The following MARK3 variants were observed in gnomAD, a reference collection of about 807,000 sequenced individuals.
MARK3 encodes the protein microtubule affinity regulating kinase 3, also known as MAP/microtubule affinity-regulating kinase 3.
In MARK3, 46 loss-of-function variants were observed where a neutral mutation model predicts 90.1. The ratio of observed to expected loss-of-function variants is 0.51; its 90% CI spans 0.40 to 0.65. The LOEUF is 0.65. Among genes scored for constraint, MARK3 ranks in the 30% least tolerant of loss-of-function variants. MARK3 has a pLI of 0.00. For missense variants in MARK3, 818 were observed against 947.2 expected (o/e 0.86, Z 1.79); for synonymous variants, 321 against 332.6 (o/e 0.97, Z 0.38).
At chr14:103,483,220 A>G (rs1205996009) in intron 14 of MARK3, among the ~76,000 whole-genome samples, 6 of 150,600 alleles carry the variant, frequency 4.0e-5, no homozygotes, top group African/African-American at 7.3e-5. Flanking sequence ...AATTTAAAAT[A>G]TGAGTGAGCT....
At chr14:103,438,562 T>C (rs1243947203) in intron 3 of MARK3, among the ~76,000 whole-genome samples, 1 of 152,244 alleles carries the variant, frequency 6.6e-6, no homozygotes, top group Non-Finnish European at 1.5e-5. Flanking sequence ...TAAGTTAATT[T>C]TGTTAGTACC....
At chr14:103,391,181 A>G (rs1003120408) in intron 1 of MARK3, among the ~76,000 whole-genome samples, 1 of 152,194 alleles carries the variant, frequency 6.6e-6, no homozygotes, top group African/African-American at 2.4e-5. Context: ...CAGGAATGCT[A>G]CTAAACATTT....
chr14:103,419,661 C>G (rs1595577176), intron 2 of MARK3, among the ~76,000 whole-genome samples: 1 of 151,918 alleles, frequency 6.6e-6, no homozygotes, highest in South Asian at 2.1e-4. Context: ...ATATTAATAC[C>G]TTTTCAGGTG....
chr14:103,480,069 C>T (rs561100669), intron 13 of MARK3, among the ~76,000 whole-genome samples: 9 of 151,998 alleles, frequency 5.9e-5, no homozygotes, highest in Middle Eastern at 3.4e-3. Context: ...TGCAGTGAGC[C>T]GAGATCGCAC....
chr14:103,466,557 AAC>A, intron 10 of MARK3, 115 bp downstream of exon 10: 1 of 657,622 alleles, frequency 1.5e-6, no homozygotes. Flanking sequence ...AAGTCATATG[AAC>A]AGTTTATCTG....
chr14:103,470,146 G>A (rs1308265325), intron 12 of MARK3, among the ~76,000 whole-genome samples: 1 of 152,018 alleles, frequency 6.6e-6, no homozygotes, highest in Non-Finnish European at 1.5e-5. Context: ...CAGCCCTGGA[G>A]AATATATGGA....
intron 2 of MARK3, among the ~76,000 whole-genome samples, chr14:103,414,282 C>T (rs556319796): frequency 4.0e-4 from 60 of 151,646 alleles, no homozygotes; most frequent in African/African-American, 1.1e-3. Flanking sequence ...CTCAGCTCAC[C>T]GCAACCTCCA....
intron 3 of MARK3, among the ~76,000 whole-genome samples, chr14:103,444,262 C>T (rs1426129571): frequency 6.6e-6 from 1 of 151,960 alleles, no homozygotes; most frequent in Non-Finnish European, 1.5e-5. Flanking sequence ...TTGATATCCC[C>T]ATTGCCAGGA....
At chr14:103,433,486 G>A (rs2092642269) in intron 3 of MARK3, among the ~76,000 whole-genome samples, 1 of 152,022 alleles carries the variant, frequency 6.6e-6, no homozygotes, top group Non-Finnish European at 1.5e-5. Context: ...CTGAGGCCAG[G>A]GGTTCGAGAC....
At chr14:103,433,006 C>G (rs1171857765) in intron 3 of MARK3, among the ~76,000 whole-genome samples, 1 of 152,072 alleles carries the variant, frequency 6.6e-6, no homozygotes. Flanking sequence ...GGTTACTTCA[C>G]ACTACATTTT....
At chr14:103,459,435 A>G (rs897935536) in intron 6 of MARK3, among the ~76,000 whole-genome samples, 6 of 152,180 alleles carry the variant, frequency 3.9e-5, no homozygotes, top group Non-Finnish European at 7.3e-5. Context: ...AAACAGCTCC[A>G]TTAGACTTGG....
At chr14:103,501,089 T>C (rs2075638753) in intron 17 of MARK3, among the ~76,000 whole-genome samples, 1 of 152,244 alleles carries the variant, frequency 6.6e-6, no homozygotes, top group Non-Finnish European at 1.5e-5. Flanking sequence ...TTTGTCCTTT[T>C]GGTCTTTCTA....
In MARK3 at chr14:103,466,320, A is replaced by G. The variant is rs149524163; in HGVS notation, c.898-23A>G. Reference sequence around the variant, plus strand: ...TCAGAATATTTCATTTTACTCTGCTAATGAACAGTTTACCTTTTTTAGCAA... The same window carrying G: ...TCAGAATATTTCATTTTACTCTGCTGATGAACAGTTTACCTTTTTTAGCAA... On this transcript the variant is annotated intron_variant, in intron 9 of 17. Transcript: ENST00000429436. 445 of 1,528,056 alleles carry G rather than the reference A, an allele frequency of 2.9e-4. 1 individual carries two copies. The African/African-American group carries it at 3.8e-3, about 13-fold the overall frequency. The allele number at this position is 1,528,056 out of a possible 1,614,324, so 94.7% of individuals were successfully genotyped here.
At chr14:103,391,964 C>A (rs1047360487) in intron 1 of MARK3, among the ~76,000 whole-genome samples, 5 of 152,080 alleles carry the variant, frequency 3.3e-5, no homozygotes, top group Non-Finnish European at 7.3e-5. Flanking sequence ...AAATGAGAAA[C>A]ATATTTTTCA....
At chr14:103,446,314 T>C (rs1026046719) in intron 3 of MARK3, among the ~76,000 whole-genome samples, 15 of 152,064 alleles carry the variant, frequency 9.9e-5, no homozygotes, top group Non-Finnish European at 1.5e-5. Context: ...TCACCTGAGG[T>C]CAGGTGTTCG....
Position 103,503,340 on chromosome 14 carries a change from TTAAAGTC to T in MARK3, c.*115_*121del, listed in dbSNP as rs1246820047. 2.1e-5 allele frequency: 22 copies of T among 1,041,326 alleles called. No homozygotes were observed. Among genetic ancestry groups the T allele is most frequent in the Non-Finnish European group, 2.9e-5 (21 of 728,166 alleles). The allele number at this position is 1,041,326 out of a possible 1,614,324, so 64.5% of individuals were successfully genotyped here. A position where few individuals can be genotyped will look rare whatever the true frequency, so the allele number is the denominator to read the frequency against. On this transcript the variant is annotated 3_prime_UTR_variant, in exon 18 of 18. Transcript: ENST00000429436. ...CGTCTGCATCTTCTAAATCATGAAA[TTAAAGTC>T]TGAGGACGAGAGCACGCCTGGGAGC...
intron 5 of MARK3, among the ~76,000 whole-genome samples, chr14:103,454,756 G>C (rs1444469455): frequency 2.0e-5 from 3 of 152,126 alleles, no homozygotes; most frequent in African/African-American, 7.2e-5. Flanking sequence ...TTAGGGCAGC[G>C]GTCTAATTTT....
intron 4 of MARK3, among the ~76,000 whole-genome samples, chr14:103,450,579 C>T (rs17101620): frequency 0.18 from 27,828 of 152,102 alleles, 3,098 homozygotes; most frequent in East Asian, 0.47. Context: ...ATGCAGCTTA[C>T]CAACACATGT....
intron 14 of MARK3, among the ~76,000 whole-genome samples, chr14:103,482,667 T>G (rs2093847850): frequency 6.6e-6 from 1 of 152,206 alleles, no homozygotes; most frequent in Non-Finnish European, 1.5e-5. Context: ...TGCTCTCTGC[T>G]TCCATCCTGT....
Sources: allele counts gnomAD v4.1 joint callset (sites outside exome capture counted in the v4.1 genomes callset), GRCh38; gene constraint gnomAD v4.1.1; transcripts MANE v1.5; gene names NCBI Gene and HGNC (gene_info 2026-07-23, HGNC 2026-07-21).